The following RAB27A variants were observed in gnomAD, a reference collection of about 807,000 sequenced individuals.
The protein encoded by RAB27A is ras-related protein Rab-27A.
Under a neutral mutation model 20.8 loss-of-function variants are expected in RAB27A, and 17 were observed. The observed-to-expected ratio is 0.82, with a 90% CI of 0.56 to 1.23. RAB27A has a LOEUF of 1.23. Ranked by LOEUF, RAB27A falls within the 50% of genes most tolerant of loss-of-function variation. RAB27A has a pLI of 0.00. For synonymous variants in RAB27A, 85 were observed against 92.8 expected, an observed-to-expected ratio of 0.92 and a Z score of 0.48; for missense variants, 277 against 266.7, an observed-to-expected ratio of 1.04 and a Z score of -0.27.
At chr15:55,248,771 G>A (rs1008183853) in intron 2 of RAB27A, among the ~76,000 whole-genome samples, 13 of 152,120 alleles carry the variant, frequency 8.5e-5, no homozygotes, top group Non-Finnish European at 1.8e-4. Flanking sequence ...CTAAATCAAT[G>A]ATGCCAGGAT....
At chr15:55,316,234 CAAAA>C (rs1186678422) in intron 1 of RAB27A, among the ~76,000 whole-genome samples, 1 of 53,916 alleles carries the variant, frequency 1.9e-5, no homozygotes. Context: ...GACTCCGTCT[CAAAA>C]AAAAAAAAAA....
At chr15:55,256,708 G>A (rs1307068896) in intron 2 of RAB27A, among the ~76,000 whole-genome samples, 4 of 152,200 alleles carry the variant, frequency 2.6e-5, no homozygotes, top group East Asian at 3.9e-4. Flanking sequence ...AGAGCAGGAC[G>A]ACTAATCCAT....
chr15:55,220,936 T>C (rs938259228), intron 6 of RAB27A, among the ~76,000 whole-genome samples: 2 of 152,236 alleles, frequency 1.3e-5, no homozygotes, highest in African/African-American at 4.8e-5. Flanking sequence ...CTTTCCTTTC[T>C]TCAAGGGTTT....
chr15:55,317,464 G>A, intron 1 of RAB27A: 1 of 284,482 alleles, frequency 3.5e-6, no homozygotes, highest in Non-Finnish European at 6.5e-6. Context: ...ACAGGCGCAT[G>A]CCACCAAGCC....
At chr15:55,264,108 G>A (rs1348414476) in intron 2 of RAB27A, among the ~76,000 whole-genome samples, 1 of 152,194 alleles carries the variant, frequency 6.6e-6, no homozygotes, top group Non-Finnish European at 1.5e-5. Context: ...TTGGAGTGCA[G>A]TGGTCCGATC....
At chr15:55,306,756 G>A (rs1355156579) in intron 2 of RAB27A, among the ~76,000 whole-genome samples, 3 of 152,178 alleles carry the variant, frequency 2.0e-5, no homozygotes, top group Non-Finnish European at 4.4e-5. Context: ...TGTCTGGGAC[G>A]CCGCATTCTC....
At chr15:55,303,246 C>T (rs1396000211) in intron 2 of RAB27A, among the ~76,000 whole-genome samples, 6 of 96,000 alleles carry the variant, frequency 6.3e-5, no homozygotes, top group South Asian at 3.6e-4. Flanking sequence ...GCCGCCCTGT[C>T]CGGGAGGGAG....
intron 1 of RAB27A, among the ~76,000 whole-genome samples, chr15:55,272,664 G>C (rs1398096881): frequency 2.0e-5 from 3 of 152,196 alleles, no homozygotes; most frequent in African/African-American, 2.4e-5. Context: ...TGTACATGTG[G>C]TTCTGCTGCC....
intron 5 of RAB27A, 48 bp from the exon 6 acceptor site, chr15:55,224,060 G>T (rs371393344): frequency 2.1e-6 from 3 of 1,418,006 alleles, no homozygotes; most frequent in Non-Finnish European, 2.0e-6. Flanking sequence ...TAATGTAAGT[G>T]TATGATCAGT....
chr15:55,280,976 A>G, intron 1 of RAB27A, among the ~76,000 whole-genome samples: 1 of 152,198 alleles, frequency 6.6e-6, no homozygotes, highest in East Asian at 1.9e-4. Context: ...ATACGTGTGC[A>G]TGTGTCTCTA....
At chr15:55,216,174 T>C (rs1205865861) in intron 6 of RAB27A, among the ~76,000 whole-genome samples, 1 of 152,108 alleles carries the variant, frequency 6.6e-6, no homozygotes, top group Non-Finnish European at 1.5e-5. Flanking sequence ...AAACAATAAA[T>C]GTTTCTTATT....
intron 6 of RAB27A, among the ~76,000 whole-genome samples, chr15:55,213,798 G>T (rs900165185): frequency 2.0e-5 from 3 of 152,112 alleles, no homozygotes; most frequent in African/African-American, 7.2e-5. Context: ...CAAGCTCAGG[G>T]CTCCCACTGA....
intron 2 of RAB27A, among the ~76,000 whole-genome samples, chr15:55,265,765 G>T (rs1897454792): frequency 6.6e-6 from 1 of 152,164 alleles, no homozygotes; most frequent in Non-Finnish European, 1.5e-5. Context: ...TACTTAGGAT[G>T]CATTAAAGGA....
At chr15:55,215,583 C>T (rs1427927277) in intron 6 of RAB27A, among the ~76,000 whole-genome samples, 3 of 141,892 alleles carry the variant, frequency 2.1e-5, no homozygotes, top group African/African-American at 8.2e-5. Context: ...ACCCGGGAAG[C>T]GGAGCTTGCA....
chr15:55,262,358 A>G (rs1009426199), intron 2 of RAB27A, among the ~76,000 whole-genome samples: 5 of 151,906 alleles, frequency 3.3e-5, no homozygotes, highest in South Asian at 2.1e-4. Context: ...TGGCTAACAC[A>G]GTGAAACCTC....
chr15:55,270,342 CAA>C (rs1462644941), intron 1 of RAB27A, 58 bp from the exon 2 acceptor site: 1 of 152,130 alleles, frequency 6.6e-6, no homozygotes, highest in African/African-American at 2.4e-5. Context: ...AAAAGTTTTT[CAA>C]AAGAGTCTTT....
chr15:55,209,805 T>A (rs1352954504), intron 6 of RAB27A, among the ~76,000 whole-genome samples: 1 of 140,978 alleles, frequency 7.1e-6, no homozygotes, highest in Admixed American at 6.8e-5. Flanking sequence ...TGTATACATA[T>A]ATACACACAT....
At chr15:55,210,411 G>A (rs1172619105) in intron 6 of RAB27A, among the ~76,000 whole-genome samples, 2 of 111,156 alleles carry the variant, frequency 1.8e-5, no homozygotes, top group African/African-American at 1.0e-4. Context: ...ATTTAGGTGT[G>A]GTTTTTTTTT....
At chr15:55,246,052 G>A (rs908246293) in intron 2 of RAB27A, among the ~76,000 whole-genome samples, 6 of 151,810 alleles carry the variant, frequency 4.0e-5, no homozygotes, top group Non-Finnish European at 8.8e-5. Context: ...CAGCCTGGGC[G>A]ACAGAGTGAG....
Sources: allele counts gnomAD v4.1 joint callset (sites outside exome capture counted in the v4.1 genomes callset), GRCh38; gene constraint gnomAD v4.1.1; transcripts MANE v1.5; gene names NCBI Gene and HGNC (gene_info 2026-07-23, HGNC 2026-07-21).